PSMF1: variants seen among roughly 807,000 people sequenced by gnomAD.
The protein encoded by PSMF1 is proteasome inhibitor PI31 subunit.
In PSMF1, 30 loss-of-function variants were observed where a neutral mutation model predicts 29.3. That is an observed-to-expected ratio of 1.02 (90% CI 0.77 to 1.39). The LOEUF is 1.39. Among genes scored for constraint, PSMF1 ranks in the 40% most tolerant of loss-of-function variants. The pLI, the probability that PSMF1 is intolerant of heterozygous loss-of-function variation, is 0.00. For synonymous variants in PSMF1, 134 were observed against 139.7 expected (o/e 0.96, Z 0.29); for missense variants, 344 against 357.5 (o/e 0.96, Z 0.31).
intron 4 of PSMF1, among the ~76,000 whole-genome samples, chr20:1,142,143 A>G (rs113188892): frequency 0.038 from 5,737 of 152,214 alleles, 153 homozygotes; most frequent in Non-Finnish European, 0.059. Context: ...AATTGCTTGA[A>G]CCCAGGAGGC....
At chr20:1,129,245 C>A (rs1484066775) in intron 3 of PSMF1, among the ~76,000 whole-genome samples, 1 of 152,110 alleles carries the variant, frequency 6.6e-6, no homozygotes, top group African/African-American at 2.4e-5. Flanking sequence ...CTCCTGACCT[C>A]AAGTGATGGG....
At chr20:1,145,379 G>A (rs906111980) in intron 4 of PSMF1, among the ~76,000 whole-genome samples, 5 of 152,122 alleles carry the variant, frequency 3.3e-5, no homozygotes, top group African/African-American at 1.2e-4. Flanking sequence ...GATGAGCAAT[G>A]GACTGGGAGC....
rs6039969 is a variant in PSMF1, at chr20:1,119,260, G to T, written c.129+358G>T. On this transcript the variant is annotated intron_variant, in intron 1 of 6. Transcript: ENST00000335877. ...GAGCACTTCTCACCCACCTGATCCC[G>T]TCTGAACTCCTTACCACCCAGCCTC... Among the ~76,000 whole-genome samples, 76 of 152,244 alleles carry T rather than the reference G, an allele frequency of 5.0e-4. 1 individual carries two copies. The South Asian group carries it at 6.8e-3, about 14-fold the overall frequency.
At chr20:1,132,967 T>TGG in intron 3 of PSMF1, among the ~76,000 whole-genome samples, 1 of 87,646 alleles carries the variant, frequency 1.1e-5, no homozygotes, top group Non-Finnish European at 2.6e-5. Context: ...TAGGGTTTTT[T>TGG]TGTTTTTTTT....
chr20:1,151,182 T>G (rs2086526188), intron 4 of PSMF1, among the ~76,000 whole-genome samples: 1 of 152,226 alleles, frequency 6.6e-6, no homozygotes, highest in Non-Finnish European at 1.5e-5. Context: ...CAGCTACTGT[T>G]TATTCAGTGC....
Position 1,135,271 on chromosome 20 carries a change from T to G in PSMF1, c.516T>G (p.Pro172=). The G allele has an allele frequency of 1.2e-6, 2 of 1,613,780 alleles. No individual in the cohort carries two copies. The highest frequency in any genetic ancestry group is 1.7e-6 in the Non-Finnish European group (2 of 1,179,832). Residue 172 remains proline, a synonymous_variant, in exon 4 of 7, where the codon CCT becomes CCG. Coordinates refer to ENST00000335877, the MANE Select transcript of PSMF1 (RefSeq NM_006814.5). ...GAGAGGTGGACCCACTCCGGATTCCTCCACACCACCCACACACCAGTCGGC... is the reference window on the plus strand; with the variant it reads ...GAGAGGTGGACCCACTCCGGATTCCGCCACACCACCCACACACCAGTCGGC... ...TAREVDPLRI[P]PHHPHTSRQP...
intron 3 of PSMF1, among the ~76,000 whole-genome samples, chr20:1,131,404 A>C (rs2086227378): frequency 6.6e-6 from 1 of 152,228 alleles, no homozygotes; most frequent in African/African-American, 2.4e-5. Context: ...GAGGGACACA[A>C]TAGTACTACC....
chr20:1,165,450 G>A lies in PSMF1; in HGVS notation c.*370G>A, dbSNP rs935206380. Reference sequence around the variant, plus strand: ...TGGATGTTATTATTAAGAACCAAATGTCAATACAGAATTCATGTTGCCGGT... The same window carrying A: ...TGGATGTTATTATTAAGAACCAAATATCAATACAGAATTCATGTTGCCGGT... On this transcript the variant is annotated 3_prime_UTR_variant, in exon 7 of 7. Transcript: ENST00000335877. The A allele has an allele frequency of 3.7e-6, 4 of 1,067,110 alleles. No homozygotes were observed. Among genetic ancestry groups the A allele is most frequent in the African/African-American group, 3.3e-5 (2 of 60,170 alleles). The allele number at this position is 1,067,110 out of a possible 1,614,324, so 66.1% of individuals were successfully genotyped here.
chr20:1,149,544 G>A (rs550523063), intron 4 of PSMF1, among the ~76,000 whole-genome samples: 1 of 152,314 alleles, frequency 6.6e-6, no homozygotes, highest in South Asian at 2.1e-4. Flanking sequence ...TTTCCTTGAA[G>A]TAATGGGCTC....
chr20:1,167,814 G>GT lies in PSMF1; in HGVS notation c.*2737dup, dbSNP rs1358898425. ...TGTACCAGTTTTTGAGTTTTCAGTT[G>GT]TTTGAGTTTCAGATGTTTTCAGTTC... On this transcript the variant is annotated 3_prime_UTR_variant, in exon 7 of 7. Transcript: ENST00000335877. The GT allele has an allele frequency of 6.6e-6, 1 of 152,174 alleles. No homozygotes were observed. Among genetic ancestry groups the GT allele is most frequent in the Non-Finnish European group, 1.5e-5 (1 of 68,026 alleles). The allele number at this position is 152,174 out of a possible 1,614,324, so 9.4% of individuals were successfully genotyped here.
At chr20:1,120,124 C>T (rs2086067594) in intron 1 of PSMF1, among the ~76,000 whole-genome samples, 1 of 151,984 alleles carries the variant, frequency 6.6e-6, no homozygotes, top group Non-Finnish European at 1.5e-5. Context: ...AACTAAAGAC[C>T]AAGACCACCA....
chr20:1,130,305 G>T (rs928780294), intron 3 of PSMF1, among the ~76,000 whole-genome samples: 2 of 152,190 alleles, frequency 1.3e-5, no homozygotes, highest in Non-Finnish European at 2.9e-5. Flanking sequence ...CTTAAAAATG[G>T]TTAAGATGGT....
chr20:1,161,648 C>T (rs1008147100), intron 4 of PSMF1: 29 of 679,394 alleles, frequency 4.3e-5, no homozygotes, highest in Non-Finnish European at 7.2e-5. Context: ...GATTAGCAAG[C>T]AGGAGTATGA....
At position 1,165,495 on chromosome 20, in the gene PSMF1, A is replaced by G. The variant is rs1016040760; in HGVS notation, c.*415A>G. On this transcript the variant is annotated 3_prime_UTR_variant, in exon 7 of 7. Coordinates refer to ENST00000335877, the MANE Select transcript of PSMF1 (RefSeq NM_006814.5). The stretch of plus-strand genomic sequence containing the variant: ...GCCGGTTTCCCACTTTTCTTTTTAC[A>G]TTAATGCATAGCTGCTTCCATTTAT... 5.9e-6 allele frequency: 6 copies of G among 1,019,616 alleles called. No homozygotes were observed. The highest frequency in any genetic ancestry group is 1.1e-4 in the Admixed American group (2 of 18,954). 63.2% of individuals were successfully genotyped at this position (1,019,616 alleles called of 1,614,324 possible).
chr20:1,135,270 C>T lies in PSMF1; in HGVS notation c.515C>T (p.Pro172Leu), dbSNP rs760606995. 1.2e-6 allele frequency: 2 copies of T among 1,613,868 alleles called. No homozygotes were observed. Among genetic ancestry groups the T allele is most frequent in the South Asian group, 1.1e-5 (1 of 91,052 alleles). The change falls in exon 4 of 7, where the codon CCT becomes CTT. Residue 172 changes from proline (P) to leucine (L), a missense_variant. Physicochemically the swap from Pro to Leu is moderately conservative, Grantham distance 98. Coordinates refer to ENST00000335877, the MANE Select transcript of PSMF1 (RefSeq NM_006814.5). ...AGAGAGGTGGACCCACTCCGGATTC[C>T]TCCACACCACCCACACACCAGTCGG... ...TAREVDPLRIPPHHPHTSRQP... is the reference protein window; with the variant it reads ...TAREVDPLRILPHHPHTSRQP...
intron 4 of PSMF1, among the ~76,000 whole-genome samples, chr20:1,149,761 TGTG>T (rs2086502588): frequency 6.6e-6 from 1 of 152,134 alleles, no homozygotes; most frequent in Admixed American, 6.5e-5. Flanking sequence ...CAAGGCCAGG[TGTG>T]GTGGCCCACA....
At position 1,135,242 on chromosome 20, in the gene PSMF1, G is replaced by A. The variant is rs771212362; in HGVS notation, c.487G>A (p.Ala163Thr). The change falls in exon 4 of 7, where the codon GCC (alanine) becomes ACC (threonine). Residue 163 changes from alanine to threonine, a missense_variant. Coordinates refer to ENST00000335877, the MANE Select transcript of PSMF1 (RefSeq NM_006814.5). ...SPHREFPPAT[A>T]REVDPLRIPP... ...CCACCGGGAGTTCCCCCCTGCTACC[G>A]CCAGAGAGGTGGACCCACTCCGGAT... 5.9e-5 allele frequency: 96 copies of A among 1,613,914 alleles called. No homozygotes were observed. The highest frequency in any genetic ancestry group is 7.6e-5 in the Non-Finnish European group (90 of 1,179,990).
At position 1,165,434 on chromosome 20, in the gene PSMF1, T is replaced by C. The variant is rs1043854575; in HGVS notation, c.*354T>C. 6 of 1,104,276 alleles carry C rather than the reference T, an allele frequency of 5.4e-6. No individual in the cohort carries two copies. The highest frequency in any genetic ancestry group is 3.6e-5 in the South Asian group (1 of 27,844). 68.4% of individuals were successfully genotyped at this position (1,104,276 alleles called of 1,614,324 possible). A position where few individuals can be genotyped will look rare whatever the true frequency, so the allele number is the denominator to read the frequency against. On this transcript the variant is annotated 3_prime_UTR_variant, in exon 7 of 7. Coordinates refer to ENST00000335877, the MANE Select transcript of PSMF1 (RefSeq NM_006814.5). The stretch of plus-strand genomic sequence containing the variant: ...AGAACAGAACGCATTTTGGATGTTA[T>C]TATTAAGAACCAAATGTCAATACAG...
chr20:1,115,744 T>A (rs2086004615), upstream of PSMF1, among the ~76,000 whole-genome samples: 1 of 151,708 alleles, frequency 6.6e-6, no homozygotes, highest in African/African-American at 2.4e-5. Context: ...CCACTTTTTT[T>A]TTTTTTTTGA....
Sources: allele counts gnomAD v4.1 joint callset (sites outside exome capture counted in the v4.1 genomes callset), GRCh38; gene constraint gnomAD v4.1.1; transcripts MANE v1.5; gene names NCBI Gene and HGNC (gene_info 2026-07-23, HGNC 2026-07-21).